CDS2: variants seen among roughly 807,000 people sequenced by gnomAD.
The protein encoded by CDS2 is CDP-diacylglycerol synthase 2, also known as phosphatidate cytidylyltransferase 2.
CDS2 carries 47 observed loss-of-function variants against 59.0 expected under a neutral mutation model. That is an observed-to-expected ratio of 0.80 (90% confidence interval 0.63 to 1.02). CDS2 has a LOEUF of 1.02. Among genes scored for constraint, CDS2 ranks in the 50% least tolerant of loss-of-function variants. The probability of loss-of-function intolerance (pLI) is 0.00; values close to 1 mark genes in which losing one functional copy is unlikely to be tolerated. For missense variants in CDS2, 356 were observed against 558.9 expected, an observed-to-expected ratio of 0.64 and a Z score of 3.66; for synonymous variants, 207 against 206.4, an observed-to-expected ratio of 1.00 and a Z score of -0.02.
intron 4 of CDS2, 43 bp downstream of exon 4, chr20:5,176,788 TG>T: frequency 7.2e-7 from 1 of 1,381,218 alleles, no homozygotes; most frequent in Non-Finnish European, 1.0e-6. Context: ...ATTTGGATGA[TG>T]TGCTTTGTGG....
intron 1 of CDS2, among the ~76,000 whole-genome samples, chr20:5,169,663 C>T (rs772352503): frequency 6.6e-6 from 1 of 152,158 alleles, no homozygotes; most frequent in Non-Finnish European, 1.5e-5. Flanking sequence ...ATGCCCATTA[C>T]AAAGCATACA....
intron 1 of CDS2, among the ~76,000 whole-genome samples, chr20:5,169,315 CTGGTCTCAG>C (rs924745979): frequency 6.6e-6 from 1 of 152,194 alleles, no homozygotes; most frequent in Admixed American, 6.5e-5. Flanking sequence ...CCCTGCTGTG[CTGGTCTCAG>C]TACCCACCAG....
chr20:5,152,991 T>C (rs1306701101), intron 1 of CDS2, among the ~76,000 whole-genome samples: 3 of 152,230 alleles, frequency 2.0e-5, no homozygotes, highest in Non-Finnish European at 4.4e-5. Context: ...TCAGCAATAC[T>C]ATATCTCCTG....
chr20:5,193,272 A>G lies in CDS2; in HGVS notation c.*3038A>G, dbSNP rs1331206802. 3.3e-5 allele frequency: 5 copies of G among 152,216 alleles called. No individual in the cohort carries two copies. The highest frequency in any genetic ancestry group is 4.4e-5 in the Non-Finnish European group (3 of 68,040). The allele number at this position is 152,216 out of a possible 1,614,324, so 9.4% of individuals were successfully genotyped here. On this transcript the variant is annotated 3_prime_UTR_variant, in exon 13 of 13. Transcript: ENST00000460006. ...AGGCAACTTGTTTCATATTCTGGGCATTTTAGTAGCTACAGTATTTTGCAT... is the reference window on the plus strand; with the variant it reads ...AGGCAACTTGTTTCATATTCTGGGCGTTTTAGTAGCTACAGTATTTTGCAT...
Position 5,169,696 on chromosome 20 carries a change from G to A in CDS2, c.58-3827G>A, listed in dbSNP as rs529297888. On this transcript the variant is annotated intron_variant, in intron 1 of 12. Transcript: ENST00000460006. ...ACATGGGAAAGAAAAGAAGAATGAG[G>A]TAAGTAGAGATGAGTTCTAAGATTT... is the stretch of plus-strand genomic sequence containing the variant. 4.6e-5 allele frequency among the ~76,000 whole-genome samples: 7 copies of A among 152,342 alleles called. No individual in the cohort carries two copies. The South Asian group carries it at 1.4e-3, about 32-fold the overall frequency.
intron 1 of CDS2, among the ~76,000 whole-genome samples, chr20:5,127,504 T>C (rs1252619678): frequency 2.0e-5 from 3 of 152,104 alleles, no homozygotes; most frequent in African/African-American, 7.2e-5. Flanking sequence ...AGAGCCTTCT[T>C]AGGGAGGCGG....
At chr20:5,136,397 G>A (rs2090650370) in intron 1 of CDS2, among the ~76,000 whole-genome samples, 1 of 152,158 alleles carries the variant, frequency 6.6e-6, no homozygotes, top group African/African-American at 2.4e-5. Context: ...ATTCTAACCA[G>A]GTGTGACTTG....
chr20:5,181,077 A>G (rs576722843), intron 5 of CDS2, among the ~76,000 whole-genome samples: 1 of 152,212 alleles, frequency 6.6e-6, no homozygotes, highest in Non-Finnish European at 1.5e-5. Context: ...AAGCAAAATA[A>G]GCAAAACTAT....
intron 1 of CDS2, among the ~76,000 whole-genome samples, chr20:5,157,223 C>T (rs191640568): frequency 3.3e-5 from 5 of 152,224 alleles, no homozygotes; most frequent in African/African-American, 7.2e-5. Context: ...TTTCAGGAAA[C>T]GGTTTTCTGA....
chr20:5,150,869 G>T lies in CDS2; in HGVS notation c.58-22654G>T, dbSNP rs192702792. ...ATTTCTGTAGCTCCCACGTGATTCA[G>T]TAAAGGCATGCTGATTCATCATAGG... On this transcript the variant is annotated intron_variant, in intron 1 of 12. Transcript: ENST00000460006. Among the ~76,000 whole-genome samples the T allele has an allele frequency of 1.7e-4, 26 of 152,356 alleles. No individual in the cohort carries two copies. The East Asian group carries it at 3.7e-3, about 21-fold the overall frequency.
chr20:5,141,822 T>C (rs749789389), intron 1 of CDS2, among the ~76,000 whole-genome samples: 2 of 152,128 alleles, frequency 1.3e-5, no homozygotes, highest in African/African-American at 4.8e-5. Context: ...CGCTGCAGAA[T>C]TGATTGCTTG....
chr20:5,137,810 T>G (rs13040145), intron 1 of CDS2, among the ~76,000 whole-genome samples: 1 of 151,728 alleles, frequency 6.6e-6, no homozygotes, highest in Non-Finnish European at 1.5e-5. Context: ...TTTTTTGTTT[T>G]TTTTTTGAGA....
rs2091143646 is a variant in CDS2 at position 5,194,679 on chromosome 20, G to A, written c.*4445G>A. ...TGCGGATGATTTATGAGAATAGAGGGGCAGAGTTTGTGAAGTCTAGGGTTT... is the reference window on the plus strand; with the variant it reads ...TGCGGATGATTTATGAGAATAGAGGAGCAGAGTTTGTGAAGTCTAGGGTTT... On this transcript the variant is annotated 3_prime_UTR_variant, in exon 13 of 13. Transcript: ENST00000460006. 6.6e-6 allele frequency: 1 copy of A among 152,120 alleles called. No individual in the cohort carries two copies. Among genetic ancestry groups the A allele is most frequent in the African/African-American group, 2.4e-5 (1 of 41,424 alleles). The allele number at this position is 152,120 out of a possible 1,614,324, so 9.4% of individuals were successfully genotyped here.
intron 1 of CDS2, among the ~76,000 whole-genome samples, chr20:5,129,635 C>CT (rs2090587007): frequency 6.6e-6 from 1 of 151,954 alleles, no homozygotes; most frequent in African/African-American, 2.4e-5. Context: ...AGAGGCACGG[C>CT]TTCTCAATGT....
At chr20:5,140,760 G>A (rs1405126183) in intron 1 of CDS2, among the ~76,000 whole-genome samples, 1 of 152,176 alleles carries the variant, frequency 6.6e-6, no homozygotes, top group Non-Finnish European at 1.5e-5. Context: ...CATCAATGCT[G>A]CTACCATCAC....
At position 5,191,941 on chromosome 20, in the gene CDS2, C is replaced by T. The variant is rs1219757325; in HGVS notation, c.*1707C>T. 5.9e-5 allele frequency: 9 copies of T among 152,196 alleles called. No homozygotes were observed. The highest frequency in any genetic ancestry group is 1.2e-4 in the Non-Finnish European group (8 of 68,040). 9.4% of individuals were successfully genotyped at this position (152,196 alleles called of 1,614,324 possible). Reference sequence around the variant, plus strand: ...TCTTTTTCGGAGCTACTCCCAATTCCACTCTTCTGTGATTCTGGCTGAGCA... The same window carrying T: ...TCTTTTTCGGAGCTACTCCCAATTCTACTCTTCTGTGATTCTGGCTGAGCA... On this transcript the variant is annotated 3_prime_UTR_variant, in exon 13 of 13. Transcript: ENST00000460006.
intron 1 of CDS2, among the ~76,000 whole-genome samples, chr20:5,134,754 C>T (rs2090634959): frequency 6.6e-6 from 1 of 152,178 alleles, no homozygotes; most frequent in Non-Finnish European, 1.5e-5. Flanking sequence ...TTCCTGACTT[C>T]AGGTGATCTG....
intron 1 of CDS2, among the ~76,000 whole-genome samples, chr20:5,160,796 G>A (rs1050767520): frequency 6.6e-6 from 1 of 152,122 alleles, no homozygotes; most frequent in Non-Finnish European, 1.5e-5. Flanking sequence ...CATGTAAGTG[G>A]AATCATATAT....
chr20:5,153,508 T>C (rs139861748), intron 1 of CDS2, among the ~76,000 whole-genome samples: 89 of 152,356 alleles, frequency 5.8e-4, no homozygotes, highest in African/African-American at 2.0e-3. Flanking sequence ...CAAGACCCGG[T>C]AGGTCTCAAC....
Sources: gnomAD v4.1 joint callset for allele counts (sites outside exome capture counted in the v4.1 genomes callset) on GRCh38, gnomAD v4.1.1 for gene constraint, MANE v1.5 for transcripts, NCBI Gene and HGNC (gene_info 2026-07-23, HGNC 2026-07-21) for gene names.